Variants in EDEM2 observed in about 807,000 individuals in gnomAD.
EDEM2 encodes the protein ER degradation enhancing alpha-mannosidase like protein 2, also known as ER degradation-enhancing alpha-mannosidase-like protein 2.
In EDEM2, 39 loss-of-function variants were observed where a neutral mutation model predicts 64.8. The ratio of observed to expected loss-of-function variants is 0.60; its 90% CI spans 0.47 to 0.79. The LOEUF (loss-of-function observed/expected upper bound fraction) is 0.79, where lower values mean the gene tolerates loss of function less well. Among genes scored for constraint, EDEM2 ranks in the 30% least tolerant of loss-of-function variants. The probability of loss-of-function intolerance (pLI) is 0.00; values close to 1 mark genes in which losing one functional copy is unlikely to be tolerated. For missense variants in EDEM2, 609 were observed against 731.3 expected (o/e 0.83, Z 1.93); for synonymous variants, 296 against 291.5 (o/e 1.02, Z -0.16).
chr20:35,135,093 T>G, intron 5 of EDEM2, 144 bp from the exon 6 acceptor site: 1 of 822,554 alleles, frequency 1.2e-6, no homozygotes, highest in Non-Finnish European at 1.9e-6. Flanking sequence ...GAAAGATAAA[T>G]GTCATAACTG....
At chr20:35,140,170 G>T (rs1047857964) in intron 4 of EDEM2, among the ~76,000 whole-genome samples, 1 of 152,084 alleles carries the variant, frequency 6.6e-6, no homozygotes, top group Non-Finnish European at 1.5e-5. Context: ...TCTGAGACAC[G>T]AAAAGAAAAA....
intron 9 of EDEM2, among the ~76,000 whole-genome samples, chr20:35,120,358 C>T (rs2146087786): frequency 6.6e-6 from 1 of 152,202 alleles, no homozygotes; most frequent in Non-Finnish European, 1.5e-5. Context: ...TCACTGCACC[C>T]AGCCTCTAGT....
chr20:35,146,631 CT>C (rs998757672), intron 2 of EDEM2, among the ~76,000 whole-genome samples, 193 bp downstream of exon 2: 4 of 151,718 alleles, frequency 2.6e-5, no homozygotes, highest in African/African-American at 4.8e-5. Flanking sequence ...TAATCCAGGA[CT>C]TTTTTTTTCA....
At chr20:35,144,220 G>T (rs993093710) in intron 3 of EDEM2, among the ~76,000 whole-genome samples, 5 of 151,712 alleles carry the variant, frequency 3.3e-5, no homozygotes, top group Non-Finnish European at 5.9e-5. Flanking sequence ...TAAGCATCAG[G>T]TTTCTTAACG....
intron 6 of EDEM2, among the ~76,000 whole-genome samples, chr20:35,134,468 T>C (rs577933408): frequency 1.3e-5 from 2 of 152,152 alleles, no homozygotes; most frequent in East Asian, 3.9e-4. Flanking sequence ...GCATGAAACA[T>C]ACGACCCTCT....
rs553986402 is a variant in EDEM2 at position 35,121,820 on chromosome 20, G to A, written c.1114+2070C>T. 7.3e-5 allele frequency among the ~76,000 whole-genome samples: 11 copies of A among 151,574 alleles called. No individual in the cohort carries two copies. The East Asian group carries it at 2.1e-3, about 29-fold the overall frequency. ...TTATGTTTTTTTTTTTTGGAGACAG[G>A]GTCTCACTCCATTGCCCAGGCTGGA... On this transcript the variant is annotated intron_variant, in intron 9 of 10. Transcript: ENST00000374492.
At chr20:35,137,460 G>A (rs2146108390) in intron 5 of EDEM2, among the ~76,000 whole-genome samples, 1 of 152,080 alleles carries the variant, frequency 6.6e-6, no homozygotes, top group African/African-American at 2.4e-5. Flanking sequence ...GAGTGGCTTG[G>A]TCACGATGTT....
At chr20:35,139,358 A>AG (rs1392721173) in intron 4 of EDEM2, among the ~76,000 whole-genome samples, 1 of 148,298 alleles carries the variant, frequency 6.7e-6, no homozygotes, top group Non-Finnish European at 1.5e-5. Flanking sequence ...TCAAAAAAAA[A>AG]AAAAAAAAGT....
intron 9 of EDEM2, among the ~76,000 whole-genome samples, chr20:35,121,344 G>A (rs2085365762): frequency 6.6e-6 from 1 of 152,168 alleles, no homozygotes; most frequent in South Asian, 2.1e-4. Context: ...CACATATGCA[G>A]TTCACAATAG....
At chr20:35,144,902 C>T in intron 3 of EDEM2, 77 bp downstream of exon 3, 1 of 1,516,818 alleles carries the variant, frequency 6.6e-7, no homozygotes, top group East Asian at 2.3e-5. Flanking sequence ...ATTTTTCACC[C>T]ACAGTCACGC....
At chr20:35,132,635 CAG>C (rs1008042409) in intron 6 of EDEM2, among the ~76,000 whole-genome samples, 73 of 148,912 alleles carry the variant, frequency 4.9e-4, no homozygotes, top group African/African-American at 1.7e-3. Flanking sequence ...GCCTGGGCGA[CAG>C]GGGGAGACTC....
Position 35,131,699 on chromosome 20 carries a change from A to G in EDEM2, c.787T>C (p.Tyr263His). ...AGCAGGATGGCTCCTTTCACCAAGT[A>G]CTCAAAGTAGGAGTCCACGCCAGCC... The part of the protein sequence containing the change: ...IGAGVDSYFE[Y>H]LVKGAILLQD... Residue 263 changes from tyrosine (Y) to histidine (H), a missense_variant, in exon 7 of 11, where the codon TAC becomes CAC. Tyr to His is a moderately conservative substitution (Grantham distance 83, BLOSUM62 2). Coordinates refer to ENST00000374492, the MANE Select transcript of EDEM2 (RefSeq NM_018217.3). 6.2e-7 allele frequency: 1 copy of G among 1,614,190 alleles called. No individual in the cohort carries two copies. The highest frequency in any genetic ancestry group is 8.5e-7 in the Non-Finnish European group (1 of 1,180,024).
intron 7 of EDEM2, among the ~76,000 whole-genome samples, chr20:35,127,666 G>A (rs6087678): frequency 2.7e-3 from 415 of 152,324 alleles, no homozygotes; most frequent in Non-Finnish European, 4.6e-3. Context: ...TGGTACATCC[G>A]TGGTATTCAA....
At chr20:35,131,284 C>T (rs2085502194) in intron 7 of EDEM2, among the ~76,000 whole-genome samples, 1 of 152,216 alleles carries the variant, frequency 6.6e-6, no homozygotes. Flanking sequence ...GGCGTGGTGG[C>T]TCACACCTGT....
At chr20:35,139,466 C>T (rs887985819) in intron 4 of EDEM2, among the ~76,000 whole-genome samples, 3 of 139,984 alleles carry the variant, frequency 2.1e-5, no homozygotes, top group Non-Finnish European at 4.7e-5. Context: ...CTGGTAAACA[C>T]GGTGAAACCC....
In EDEM2 at chr20:35,115,850, C is replaced by T. The variant is rs754009420; in HGVS notation, c.1320G>A (p.Leu440=). Reference sequence around the variant, plus strand: ...TGTGGATGAAGTTGGTTGGGTCAAACAGGAGGTAGAGGTATTTCACAGTCT... The same window carrying T: ...TGTGGATGAAGTTGGTTGGGTCAAATAGGAGGTAGAGGTATTTCACAGTCT... ...LAETVKYLYL[L]FDPTNFIHNN... Residue 440 remains leucine, a synonymous_variant, in exon 11 of 11, where the codon CTG becomes CTA. Transcript: ENST00000374492. 6.2e-7 allele frequency: 1 copy of T among 1,613,764 alleles called. No individual in the cohort carries two copies. Among genetic ancestry groups the T allele is most frequent in the Non-Finnish European group, 8.5e-7 (1 of 1,180,040 alleles).
Position 35,122,436 on chromosome 20 carries a change from G to A in EDEM2, c.1114+1454C>T, listed in dbSNP as rs945943607. Among the ~76,000 whole-genome samples, 21 of 152,226 alleles carry A rather than the reference G, an allele frequency of 1.4e-4. No individual in the cohort carries two copies. In the South Asian group the frequency reaches 2.7e-3, roughly 20 times the overall value. ...TTTGCCCAGGCTGGAGTGCAATGGC[G>A]TGATCTCAGCTCACTGCAACTTCTA... On this transcript the variant is annotated intron_variant, in intron 9 of 10. Coordinates refer to ENST00000374492, the MANE Select transcript of EDEM2 (RefSeq NM_018217.3).
At chr20:35,126,551 C>T (rs1271621998) in intron 7 of EDEM2, among the ~76,000 whole-genome samples, 176 bp from the exon 8 acceptor site, 1 of 152,186 alleles carries the variant, frequency 6.6e-6, no homozygotes, top group Non-Finnish European at 1.5e-5. Flanking sequence ...ATTCCAGCTC[C>T]AGCTCTACCA....
At chr20:35,146,715 G>T in intron 2 of EDEM2, 110 bp downstream of exon 2, 2 of 1,185,844 alleles carry the variant, frequency 1.7e-6, no homozygotes, top group Non-Finnish European at 1.2e-6. Context: ...TCAGCTGGGA[G>T]CTTTCTGGTG....
Sources: allele counts gnomAD v4.1 joint callset (sites outside exome capture counted in the v4.1 genomes callset), GRCh38; gene constraint gnomAD v4.1.1; transcripts MANE v1.5; gene names NCBI Gene and HGNC (gene_info 2026-07-23, HGNC 2026-07-21).